The following HIVEP1 variants were observed in gnomAD, a reference collection of about 807,000 sequenced individuals.
HIVEP1 encodes the protein HIVEP zinc finger 1.
A neutral mutation model predicts 180.0 loss-of-function variants in HIVEP1; 36 were observed. That is an observed-to-expected ratio of 0.20 (90% CI 0.15 to 0.26). The LOEUF (loss-of-function observed/expected upper bound fraction) is 0.26. HIVEP1 is among the 10% of genes least tolerant of loss of function. HIVEP1 has a pLI of 1.00. For synonymous variants in HIVEP1, 1,239 were observed against 1,239.0 expected (o/e 1.00, Z 0.00); for missense variants, 3,143 against 3,268.7 (o/e 0.96, Z 0.94).
At chr6:12,191,952 T>C in the HIVEP1 span, among the ~76,000 whole-genome samples, 1 of 152,218 alleles carries the variant, frequency 6.6e-6, no homozygotes, top group Non-Finnish European at 1.5e-5. Flanking sequence ...CCAGAAAACA[T>C]GATAAAGTAT....
intron 2 of HIVEP1, chr6:12,039,186 A>T (rs554663535): frequency 6.6e-6 from 1 of 152,340 alleles, no homozygotes; most frequent in South Asian, 2.1e-4. Context: ...ACCTTTTTCA[A>T]ATTGGAATGC....
At chr6:12,131,514 A>G (rs11964065) in intron 6 of HIVEP1, among the ~76,000 whole-genome samples, 3,259 of 151,826 alleles carry the variant, frequency 0.021, 126 homozygotes, top group African/African-American at 0.074. Context: ...TCTCAGAACT[A>G]ATCATTAAAA....
intron 2 of HIVEP1, among the ~76,000 whole-genome samples, chr6:12,055,275 C>G (rs1234182024): frequency 6.6e-6 from 1 of 152,146 alleles, no homozygotes; most frequent in Non-Finnish European, 1.5e-5. Context: ...GAGATCGAGA[C>G]CATCCTGGCC....
In HIVEP1 at chr6:12,056,204, G is replaced by T. The variant is rs1362087466; in HGVS notation, c.41-32980G>T. Among the ~76,000 whole-genome samples, 3 of 152,156 alleles carry T rather than the reference G, an allele frequency of 2.0e-5. No individual in the cohort carries two copies. In the East Asian group the frequency reaches 5.8e-4, roughly 29 times the overall value. ...ATGTCTTTGGGATTTATTTGGAGGT[G>T]AAATAGGATCAATAAATTACTAGTG... On this transcript the variant is annotated intron_variant, in intron 2 of 8. Transcript: ENST00000379388.
chr6:12,018,726 A>G (rs1029303423), intron 2 of HIVEP1, among the ~76,000 whole-genome samples: 1 of 152,326 alleles, frequency 6.6e-6, no homozygotes, highest in East Asian at 1.9e-4. Context: ...GACAAGGCAA[A>G]GTGAGTGCAT....
Position 12,125,584 on chromosome 6 carries a change from A to G in HIVEP1, c.5789A>G (p.Gln1930Arg), listed in dbSNP as rs1329835356. The G allele has an allele frequency of 1.2e-6, 2 of 1,614,234 alleles. No homozygotes were observed. The highest frequency in any genetic ancestry group is 3.3e-5 in the Admixed American group (2 of 60,022). ...LSLFNIKDTQ[Q>R]LAFPSLKTTT... ...TTGTTTAACATCAAGGACACCCAGC[A>G]GCTGGCTTTCCCTAGCCTGAAAACT... Residue 1930 changes from glutamine (Q) to arginine (R), a missense_variant, in exon 4 of 9, where the codon CAG becomes CGG. By Grantham distance (43) the Gln-to-Arg change is conservative (BLOSUM62 1). Coordinates refer to ENST00000379388, the MANE Select transcript of HIVEP1 (RefSeq NM_002114.4).
the HIVEP1 span, among the ~76,000 whole-genome samples, chr6:12,176,556 C>A: frequency 6.6e-6 from 1 of 151,970 alleles, no homozygotes; most frequent in African/African-American, 2.4e-5. Context: ...TTTTAGGAGC[C>A]GTTGGACTTC....
At chr6:12,112,677 C>T (rs1193645554) in intron 3 of HIVEP1, among the ~76,000 whole-genome samples, 1 of 152,114 alleles carries the variant, frequency 6.6e-6, no homozygotes, top group African/African-American at 2.4e-5. Flanking sequence ...AGTCCCTGCC[C>T]ACCTCCTCAC....
At chr6:12,021,828 G>C (rs903604936) in intron 2 of HIVEP1, among the ~76,000 whole-genome samples, 9 of 152,014 alleles carry the variant, frequency 5.9e-5, no homozygotes, top group Admixed American at 4.6e-4. Context: ...ACCACCCCCG[G>C]CTAATTTTGT....
intron 2 of HIVEP1, among the ~76,000 whole-genome samples, chr6:12,054,480 C>G (rs920059105): frequency 2.0e-5 from 3 of 147,372 alleles, no homozygotes; most frequent in Admixed American, 1.3e-4. Flanking sequence ...CACATTTACA[C>G]ACATATACAT....
the HIVEP1 span, among the ~76,000 whole-genome samples, chr6:12,210,016 T>C: frequency 6.6e-6 from 1 of 152,038 alleles, no homozygotes; most frequent in South Asian, 2.1e-4. Context: ...ACTCGGAGAA[T>C]CGCTTGAACC....
the HIVEP1 span, among the ~76,000 whole-genome samples, chr6:12,190,173 G>A: frequency 6.6e-6 from 1 of 152,136 alleles, no homozygotes; most frequent in Non-Finnish European, 1.5e-5. Context: ...TAGTAGGAAC[G>A]GGAAGAAATG....
Position 12,063,883 on chromosome 6 carries a change from C to T in HIVEP1, c.41-25301C>T, listed in dbSNP as rs1771395119. 6.6e-6 allele frequency among the ~76,000 whole-genome samples: 1 copy of T among 152,132 alleles called. No individual in the cohort carries two copies. Among genetic ancestry groups the T allele is most frequent in the South Asian group, 2.1e-4 (1 of 4,826 alleles). On this transcript the variant is annotated intron_variant, in intron 2 of 8. Transcript: ENST00000379388. This position sits in a 1 kb window ranked among gnomAD's most constrained non-coding sequence, Gnocchi z 4.2. ...CCTAGACCTTCCTGAGCACTGCAAA[C>T]CTTGGGTCTTAAGTTTGGGACTGCC...
chr6:12,193,038 G>T, the HIVEP1 span, among the ~76,000 whole-genome samples: 3 of 152,112 alleles, frequency 2.0e-5, no homozygotes, highest in Non-Finnish European at 2.9e-5. Flanking sequence ...AATAATAGTG[G>T]TAATTTTATA....
chr6:12,172,689 G>C, the HIVEP1 span, among the ~76,000 whole-genome samples: 1 of 152,020 alleles, frequency 6.6e-6, no homozygotes, highest in Non-Finnish European at 1.5e-5. Flanking sequence ...ATTTACAACA[G>C]ATATTGCATT....
At chr6:12,022,145 G>C (rs952816764) in intron 2 of HIVEP1, among the ~76,000 whole-genome samples, 1 of 151,580 alleles carries the variant, frequency 6.6e-6, no homozygotes, top group South Asian at 2.1e-4. Flanking sequence ...GTTAACTTTT[G>C]TTTTATATGA....
At chr6:12,102,652 T>C (rs1027379304) in intron 3 of HIVEP1, among the ~76,000 whole-genome samples, 1 of 152,194 alleles carries the variant, frequency 6.6e-6, no homozygotes, top group Non-Finnish European at 1.5e-5. Flanking sequence ...AATGTTTTCT[T>C]TGAAACAAAA....
At chr6:12,058,573 TA>T (rs1446103710) in intron 2 of HIVEP1, among the ~76,000 whole-genome samples, 3 of 152,226 alleles carry the variant, frequency 2.0e-5, no homozygotes, top group Non-Finnish European at 4.4e-5. Context: ...CTGTTGCCCT[TA>T]AAGTCTAGCC....
chr6:12,018,464 G>T (rs913129756), intron 2 of HIVEP1, among the ~76,000 whole-genome samples: 1 of 152,246 alleles, frequency 6.6e-6, no homozygotes, highest in African/African-American at 2.4e-5. Context: ...TGTACTTCAT[G>T]TTCTTATGAT....
Sources: allele counts gnomAD v4.1 joint callset (sites outside exome capture counted in the v4.1 genomes callset), GRCh38; gene constraint gnomAD v4.1.1; non-coding constraint Gnocchi (gnomAD v3.1); transcripts MANE v1.5; gene names NCBI Gene and HGNC (gene_info 2026-07-23, HGNC 2026-07-21).